Variants in DLC1 observed in about 807,000 individuals in gnomAD.
The protein encoded by DLC1 is rho GTPase-activating protein 7.
Under a neutral mutation model 140.3 loss-of-function variants are expected in DLC1, and 54 were observed. The ratio of observed to expected loss-of-function variants is 0.38; its 90% confidence interval spans 0.31 to 0.48. DLC1 has a LOEUF of 0.48. Among genes scored for constraint, DLC1 ranks in the 20% least tolerant of loss-of-function variants. DLC1 has a pLI of 0.96. For synonymous variants in DLC1, 986 were observed against 728.1 expected (o/e 1.35, Z -5.70); for missense variants, 2,536 against 1,907.0 (o/e 1.33, Z -6.14).
intron 1 of DLC1, chr8:13,567,192 A>G: frequency 1.3e-6 from 2 of 1,551,844 alleles, no homozygotes; most frequent in Non-Finnish European, 1.7e-6. Flanking sequence ...TGGAACAAGG[A>G]GACACACAAT....
chr8:13,359,985 A>G (rs1443950557), intron 4 of DLC1, among the ~76,000 whole-genome samples: 3 of 152,218 alleles, frequency 2.0e-5, no homozygotes, highest in Non-Finnish European at 4.4e-5. Context: ...GAGCTACTCC[A>G]TCGACATTTT....
intron 5 of DLC1, among the ~76,000 whole-genome samples, chr8:13,279,760 G>T (rs142940172): frequency 6.6e-6 from 1 of 152,102 alleles, no homozygotes; most frequent in African/African-American, 2.4e-5. Context: ...TGCTTTCTTT[G>T]TAGGCCACTA....
At chr8:13,304,680 T>G in intron 5 of DLC1, 1 of 952,648 alleles carries the variant, frequency 1.0e-6, no homozygotes, top group Non-Finnish European at 1.2e-6. Flanking sequence ...TATGATTTTT[T>G]AAAAACACAT....
chr8:13,555,051 T>C lies in DLC1; in HGVS notation c.-126+49486A>G, dbSNP rs765229483. Among the ~76,000 whole-genome samples, 5 of 152,348 alleles carry C rather than the reference T, an allele frequency of 3.3e-5. No individual in the cohort carries two copies. In the South Asian group the frequency reaches 6.2e-4, roughly 19 times the overall value. On this transcript the variant is annotated intron_variant, in intron 1 of 1. Transcript: ENST00000631382. ...AGTCTTGTAACACTTGCTCTTCTCA[T>C]TGGCTGTTCTCTTAGTCTGTAACAC...
At chr8:13,110,131 C>A (rs7002161) in intron 7 of DLC1, among the ~76,000 whole-genome samples, 1,983 of 152,220 alleles carry the variant, frequency 0.013, 38 homozygotes, top group African/African-American at 0.045. Context: ...TCATCGACTG[C>A]TACAGGTTTT....
At chr8:13,369,018 C>A (rs1018418981) in intron 4 of DLC1, among the ~76,000 whole-genome samples, 8 of 152,154 alleles carry the variant, frequency 5.3e-5, no homozygotes, top group African/African-American at 1.9e-4. Flanking sequence ...GACAGGGTTT[C>A]ACCATGTTGG....
intron 5 of DLC1, among the ~76,000 whole-genome samples, chr8:13,237,328 GTA>G (rs111262176): frequency 0.042 from 6,035 of 145,152 alleles, 264 homozygotes; most frequent in African/African-American, 0.11. Context: ...CAGCTTCTGT[GTA>G]TATATATATA....
intron 5 of DLC1, among the ~76,000 whole-genome samples, chr8:13,119,611 A>C (rs959830132): frequency 2.6e-5 from 4 of 152,162 alleles, no homozygotes; most frequent in Non-Finnish European, 5.9e-5. Flanking sequence ...TCTCTGAGAT[A>C]AACACATGAG....
intron 5 of DLC1, among the ~76,000 whole-genome samples, chr8:13,195,445 T>C (rs1826991662): frequency 6.6e-6 from 1 of 152,188 alleles, no homozygotes; most frequent in Non-Finnish European, 1.5e-5. Flanking sequence ...AATGATCAAG[T>C]GGAAGCGAGT....
intron 2 of DLC1, among the ~76,000 whole-genome samples, chr8:13,419,190 A>G (rs1192208995): frequency 6.6e-6 from 1 of 151,992 alleles, no homozygotes; most frequent in Non-Finnish European, 1.5e-5. Context: ...TGTTTTCCTA[A>G]TTGAATACCG....
At chr8:13,153,211 C>T (rs1224346246) in intron 5 of DLC1, among the ~76,000 whole-genome samples, 2 of 152,062 alleles carry the variant, frequency 1.3e-5, no homozygotes, top group East Asian at 1.9e-4. Context: ...GGTTTTTTTC[C>T]TTCTGGTGGG....
At chr8:13,092,567 T>C (rs907762073) in intron 13 of DLC1, 45 bp downstream of exon 13, 4 of 1,578,244 alleles carry the variant, frequency 2.5e-6, no homozygotes, top group Non-Finnish European at 3.4e-6. Context: ...CTAGGAAGAA[T>C]GTAGGCTGCC....
At chr8:13,590,534 T>C (rs1805483601) in intron 1 of DLC1, among the ~76,000 whole-genome samples, 2 of 152,244 alleles carry the variant, frequency 1.3e-5, no homozygotes, top group Non-Finnish European at 2.9e-5. Context: ...GTGTTTTCTA[T>C]AGAAAATCCC....
At chr8:13,333,963 G>T (rs374956847) in intron 4 of DLC1, among the ~76,000 whole-genome samples, 1 of 152,144 alleles carries the variant, frequency 6.6e-6, no homozygotes, top group African/African-American at 2.4e-5. Flanking sequence ...AAGCCCCTTT[G>T]CTCATGAGGC....
intron 5 of DLC1, among the ~76,000 whole-genome samples, chr8:13,262,823 G>A (rs1203096): frequency 0.55 from 82,863 of 151,996 alleles, 22,955 homozygotes; most frequent in East Asian, 0.85. Flanking sequence ...GATGGATGAC[G>A]AATGCAAGTA....
intron 2 of DLC1, among the ~76,000 whole-genome samples, chr8:13,498,411 A>G (rs963526892): frequency 5.3e-5 from 8 of 152,194 alleles, no homozygotes; most frequent in Non-Finnish European, 1.0e-4. Context: ...GCTGTAGCAT[A>G]AAACATAATT....
intron 1 of DLC1, among the ~76,000 whole-genome samples, chr8:13,523,179 G>A (rs1376916430): frequency 6.6e-6 from 1 of 152,150 alleles, no homozygotes; most frequent in Non-Finnish European, 1.5e-5. Context: ...AGGGAGACCA[G>A]GTCACTGTGG....
intron 2 of DLC1, among the ~76,000 whole-genome samples, chr8:13,480,691 G>A (rs1312202423): frequency 6.6e-6 from 1 of 152,168 alleles, no homozygotes; most frequent in African/African-American, 2.4e-5. Context: ...ATCACTTGAT[G>A]TCAGGAGTTT....
chr8:13,267,366 C>T (rs1375196730), intron 5 of DLC1, among the ~76,000 whole-genome samples: 1 of 150,574 alleles, frequency 6.6e-6, no homozygotes, highest in African/African-American at 2.4e-5. Context: ...AAACCAATAA[C>T]ACTGTCTAGA....
Sources: allele counts gnomAD v4.1 joint callset (sites outside exome capture counted in the v4.1 genomes callset), GRCh38; gene constraint gnomAD v4.1.1; transcripts MANE v1.5; gene names NCBI Gene and HGNC (gene_info 2026-07-23, HGNC 2026-07-21).